The following PDPN variants were observed in gnomAD, a reference collection of about 807,000 sequenced individuals.
PDPN encodes PA2.26 antigen.
Under a neutral mutation model 23.2 loss-of-function variants are expected in PDPN, and 12 were observed. That is an observed-to-expected ratio of 0.52 (90% CI 0.33 to 0.84). The LOEUF (loss-of-function observed/expected upper bound fraction) is 0.84, where lower values mean the gene tolerates loss of function less well. Among genes scored for constraint, PDPN ranks in the 40% least tolerant of loss-of-function variants. PDPN has a pLI of 0.02. For missense variants in PDPN, 199 were observed against 212.2 expected (o/e 0.94, Z 0.39); for synonymous variants, 77 against 76.7 (o/e 1.00, Z -0.02).
chr1:13,592,795 C>A (rs966253345), intron 1 of PDPN, among the ~76,000 whole-genome samples: 2 of 152,124 alleles, frequency 1.3e-5, no homozygotes, highest in African/African-American at 4.8e-5. Flanking sequence ...GGTGATTCGT[C>A]CGCCTCTGCC....
rs761466447 is a variant in PDPN at position 13,607,245 on chromosome 1, A to T, written c.140A>T (p.Glu47Val). The change falls in exon 2 of 6, where the codon GAA becomes GTA. Residue 47 changes from glutamate to valine, a missense_variant. Physicochemically the swap from Glu to Val is moderately radical, Grantham distance 121. Transcript: ENST00000621990. Reference protein sequence around the residue: ...LEGGVAMPGAEDDVVTPGTSE... With the variant: ...LEGGVAMPGAVDDVVTPGTSE... ...GGCGGCGTTGCCATGCCAGGTGCCG[A>T]AGATGATGTGGTGACTCCAGGAACC... 6.2e-7 allele frequency: 1 copy of T among 1,614,190 alleles called. No homozygotes were observed. The highest frequency in any genetic ancestry group is 1.7e-5 in the Admixed American group (1 of 60,022).
chr1:13,606,901 G>A (rs575718841), intron 1 of PDPN, among the ~76,000 whole-genome samples: 13 of 152,238 alleles, frequency 8.5e-5, no homozygotes, highest in African/African-American at 2.2e-4. Flanking sequence ...AGGCCACCTC[G>A]ATGGGGCCCC....
chr1:13,613,993 A>G (rs937958148), intron 4 of PDPN, among the ~76,000 whole-genome samples: 1 of 151,216 alleles, frequency 6.6e-6, no homozygotes, highest in African/African-American at 2.4e-5. Context: ...ATCACAGTTC[A>G]TCATTACTAA....
At position 13,583,864 on chromosome 1, in the gene PDPN, T is replaced by C. The variant is rs768828741; in HGVS notation, c.-170T>C. On this transcript the variant is annotated 5_prime_UTR_variant, in exon 1 of 6. Coordinates refer to ENST00000621990, the MANE Select transcript of PDPN (RefSeq NM_006474.5). The stretch of plus-strand genomic sequence containing the variant: ...AAGTTTGCTGTCCGGCTGCCTAGGG[T>C]CTGGGAAGCTCGGGCACCCTCCCTC... 2 of 1,604,628 alleles carry C rather than the reference T, an allele frequency of 1.2e-6. No homozygotes were observed. Among genetic ancestry groups the C allele is most frequent in the Admixed American group, 3.4e-5 (2 of 58,876 alleles).
In PDPN at chr1:13,616,542, AAGTCGAT is replaced by A. The variant is rs1220926922; in HGVS notation, c.*636_*642del. ...ACATCCATTTTAGATCACAAGCAGGAAGTCGATAGTCTCAAAGGCACTTTGTTTCTCC... is the reference window on the plus strand; with the variant it reads ...ACATCCATTTTAGATCACAAGCAGGAAGTCTCAAAGGCACTTTGTTTCTCC... On this transcript the variant is annotated 3_prime_UTR_variant, in exon 6 of 6. Coordinates refer to ENST00000621990, the MANE Select transcript of PDPN (RefSeq NM_006474.5). 6.5e-6 allele frequency: 1 copy of A among 152,816 alleles called. No individual in the cohort carries two copies. Among genetic ancestry groups the A allele is most frequent in the African/African-American group, 2.4e-5 (1 of 41,452 alleles). The allele number at this position is 152,816 out of a possible 1,614,324, so 9.5% of individuals were successfully genotyped here.
At chr1:13,599,521 G>T (rs1215188413) in intron 1 of PDPN, among the ~76,000 whole-genome samples, 13 of 151,640 alleles carry the variant, frequency 8.6e-5, no homozygotes, top group Middle Eastern at 3.4e-3. Flanking sequence ...GAGTAGCTGG[G>T]ATTACAGAGG....
chr1:13,589,079 G>C lies in PDPN; in HGVS notation c.67+4979G>C, dbSNP rs373082526. 4.4e-4 allele frequency among the ~76,000 whole-genome samples: 64 copies of C among 144,856 alleles called. 1 individual carries two copies. The highest frequency in any genetic ancestry group is 1.7e-3 in the African/African-American group (60 of 35,146). ...AAGGCAAACCCCATCCCTGCTTACC[G>C]TTAGTAGGAAAGGTGTCATATGTGG... On this transcript the variant is annotated intron_variant, in intron 1 of 5. Coordinates refer to ENST00000621990, the MANE Select transcript of PDPN (RefSeq NM_006474.5).
chr1:13,603,126 A>G (rs1264018404), intron 1 of PDPN, among the ~76,000 whole-genome samples: 3 of 152,144 alleles, frequency 2.0e-5, no homozygotes, highest in Non-Finnish European at 2.9e-5. Flanking sequence ...TGTTTAAAAA[A>G]GAAATGCCCA....
chr1:13,608,636 G>A (rs1016356649), intron 2 of PDPN, among the ~76,000 whole-genome samples: 15 of 152,006 alleles, frequency 9.9e-5, no homozygotes, highest in Non-Finnish European at 1.6e-4. Flanking sequence ...GCTCAGAGTC[G>A]CAGAGAAAAC....
At chr1:13,610,601 C>A in intron 3 of PDPN, 85 bp downstream of exon 3, 4 of 1,317,670 alleles carry the variant, frequency 3.0e-6, no homozygotes, top group South Asian at 1.3e-5. Context: ...ATAGAATAAT[C>A]AATAGGGGGC....
rs1029168635 is a variant in PDPN at position 13,617,110 on chromosome 1, G to A, written c.*1199G>A. ...ATAAAGGAGCCCAAGGGGTCATTCT[G>A]TCTCAGCACCATCCAGCCTGGCACT... On this transcript the variant is annotated 3_prime_UTR_variant, in exon 6 of 6. Coordinates refer to ENST00000621990, the MANE Select transcript of PDPN (RefSeq NM_006474.5). The A allele has an allele frequency of 2.6e-5, 4 of 150,998 alleles. No homozygotes were observed. Among genetic ancestry groups the A allele is most frequent in the African/African-American group, 9.7e-5 (4 of 41,170 alleles). The allele number at this position is 150,998 out of a possible 1,614,324, so 9.4% of individuals were successfully genotyped here. A position where few individuals can be genotyped will look rare whatever the true frequency, so the allele number is the denominator to read the frequency against.
At chr1:13,595,444 C>T (rs1276758293) in intron 1 of PDPN, among the ~76,000 whole-genome samples, 2 of 152,072 alleles carry the variant, frequency 1.3e-5, no homozygotes, top group Admixed American at 1.3e-4. Context: ...GGGACACCTC[C>T]CCCCCACCCC....
intron 5 of PDPN, chr1:13,614,878 C>A (rs750858020): frequency 9.9e-6 from 5 of 503,166 alleles, no homozygotes; most frequent in African/African-American, 3.9e-5. Context: ...TTATAAATTT[C>A]CAAAATAAGA....
chr1:13,615,864 C>T, intron 5 of PDPN, 41 bp from the exon 6 acceptor site: 1 of 1,594,946 alleles, frequency 6.3e-7, no homozygotes, highest in Non-Finnish European at 8.6e-7. Context: ...ATTCACAATG[C>T]CAGTAAGAGA....
intron 1 of PDPN, among the ~76,000 whole-genome samples, chr1:13,592,861 T>G (rs1053442395): frequency 6.6e-6 from 1 of 152,190 alleles, no homozygotes; most frequent in African/African-American, 2.4e-5. Flanking sequence ...AAAAGATGAT[T>G]CTTTCTTCGC....
At position 13,617,708 on chromosome 1, in the gene PDPN, G is replaced by A. The variant is rs1249338451; in HGVS notation, c.*1797G>A. ...TTTGAACACCAGCTGATTGAGAGAA[G>A]GGGAATGAGAAGAGCTGGATGAGTT... On this transcript the variant is annotated 3_prime_UTR_variant, in exon 6 of 6. Coordinates refer to ENST00000621990, the MANE Select transcript of PDPN (RefSeq NM_006474.5). The A allele has an allele frequency of 6.8e-6, 1 of 146,290 alleles. No homozygotes were observed. Among genetic ancestry groups the A allele is most frequent in the East Asian group, 2.0e-4 (1 of 4,914 alleles). The allele number at this position is 146,290 out of a possible 1,614,324, so 9.1% of individuals were successfully genotyped here.
At position 13,616,215 on chromosome 1, in the gene PDPN, T is replaced by C. The variant is rs899099742; in HGVS notation, c.*304T>C. 4.4e-6 allele frequency: 2 copies of C among 458,244 alleles called. No homozygotes were observed. Among genetic ancestry groups the C allele is most frequent in the African/African-American group, 3.9e-5 (2 of 51,020 alleles). The allele number at this position is 458,244 out of a possible 1,614,324, so 28.4% of individuals were successfully genotyped here. A position where few individuals can be genotyped will look rare whatever the true frequency, so the allele number is the denominator to read the frequency against. On this transcript the variant is annotated 3_prime_UTR_variant, in exon 6 of 6. Coordinates refer to ENST00000621990, the MANE Select transcript of PDPN (RefSeq NM_006474.5). ...GTATAAACTGATTTGTAACTAACAC[T>C]GGACCATTGGATCGATATTATATGC... is the stretch of plus-strand genomic sequence containing the variant.
In PDPN at chr1:13,584,079, C is replaced by T; in HGVS notation, c.46C>T (p.Leu16Phe). Residue 16 changes from leucine to phenylalanine, a missense_variant, in exon 1 of 6, where the codon CTC becomes TTC. Physicochemically the swap from Leu to Phe is conservative, Grantham distance 22. Coordinates refer to ENST00000621990, the MANE Select transcript of PDPN (RefSeq NM_006474.5). Reference sequence around the variant, plus strand: ...GCTCTTCGTTTTGGGAAGCGCGTCGCTCTGGGTCCTGGCAGAAGGAGGTAA... The same window carrying T: ...GCTCTTCGTTTTGGGAAGCGCGTCGTTCTGGGTCCTGGCAGAAGGAGGTAA... ...ALLFVLGSAS[L>F]WVLAEGASTG... The T allele has an allele frequency of 6.2e-7, 1 of 1,613,126 alleles. No homozygotes were observed. Among genetic ancestry groups the T allele is most frequent in the Non-Finnish European group, 8.5e-7 (1 of 1,180,006 alleles).
chr1:13,589,891 G>A (rs12069322), intron 1 of PDPN, among the ~76,000 whole-genome samples: 8,180 of 152,170 alleles, frequency 0.054, 277 homozygotes, highest in African/African-American at 0.1. Context: ...GCAGTGGTGC[G>A]ATCCCAGCTC....
Sources: gnomAD v4.1 joint callset for allele counts (sites outside exome capture counted in the v4.1 genomes callset) on GRCh38, gnomAD v4.1.1 for gene constraint, MANE v1.5 for transcripts, NCBI Gene and HGNC (gene_info 2026-07-23, HGNC 2026-07-21) for gene names.